Variants in ACTN4 observed in about 807,000 individuals in gnomAD.
ACTN4 encodes the protein alpha-actinin-4.
ACTN4 carries 18 observed loss-of-function variants against 114.2 expected under a neutral mutation model. That is an observed-to-expected ratio of 0.16 (90% CI 0.11 to 0.23). The LOEUF is 0.23. Ranked by LOEUF, ACTN4 falls within the 10% of genes least tolerant of loss-of-function variation. The pLI is 1.00. For synonymous variants in ACTN4, 515 were observed against 506.3 expected, an observed-to-expected ratio of 1.02 and a Z score of -0.23; for missense variants, 722 against 1,262.9, an observed-to-expected ratio of 0.57 and a Z score of 6.49.
intron 1 of ACTN4, among the ~76,000 whole-genome samples, chr19:38,683,368 AGGT>A (rs1967638776): frequency 6.6e-6 from 1 of 151,952 alleles, no homozygotes. Context: ...CAGAGAAAGC[AGGT>A]GGTGAGGGCT....
chr19:38,714,433 G>GC, intron 8 of ACTN4, 36 bp from the exon 9 acceptor site: 1 of 1,606,336 alleles, frequency 6.2e-7, no homozygotes, highest in Non-Finnish European at 8.5e-7. Flanking sequence ...AGGGTGGCCA[G>GC]CCCCCAGGCA....
chr19:38,726,430 C>T (rs1330453346), intron 17 of ACTN4, among the ~76,000 whole-genome samples: 6 of 152,232 alleles, frequency 3.9e-5, no homozygotes, highest in Admixed American at 1.3e-4. Context: ...CAGAGGGCAC[C>T]GTTTGCCCTG....
At chr19:38,698,338 G>T (rs1200059363) in intron 1 of ACTN4, among the ~76,000 whole-genome samples, 1 of 152,188 alleles carries the variant, frequency 6.6e-6, no homozygotes, top group African/African-American at 2.4e-5. Context: ...CACATGAGTG[G>T]TGTAAGCATG....
At chr19:38,681,129 G>GAAAAAAAAA (rs35906770) in intron 1 of ACTN4, among the ~76,000 whole-genome samples, 1 of 69,276 alleles carries the variant, frequency 1.4e-5, no homozygotes, top group African/African-American at 6.4e-5. Context: ...CCAATCTCTA[G>GAAAAAAAAA]AAAAAAAAAA....
rs1162390715 is a variant in ACTN4 at position 38,730,248 on chromosome 19, C to T, written c.*816C>T. On this transcript the variant is annotated 3_prime_UTR_variant, in exon 21 of 21. Coordinates refer to ENST00000252699, the MANE Select transcript of ACTN4 (RefSeq NM_004924.6). Reference sequence around the variant, plus strand: ...ATTTATTATATAAATATATATTCACCTAGCAACATATCTCTGCCGTCTCTC... The same window carrying T: ...ATTTATTATATAAATATATATTCACTTAGCAACATATCTCTGCCGTCTCTC... The T allele has an allele frequency of 6.3e-6, 1 of 158,404 alleles. No homozygotes were observed. Among genetic ancestry groups the T allele is most frequent in the Non-Finnish European group, 1.4e-5 (1 of 71,634 alleles). The allele number at this position is 158,404 out of a possible 1,614,324, so 9.8% of individuals were successfully genotyped here. A position where few individuals can be genotyped will look rare whatever the true frequency, so the allele number is the denominator to read the frequency against.
intron 6 of ACTN4, among the ~76,000 whole-genome samples, 154 bp downstream of exon 6, chr19:38,708,349 C>A (rs532162672): frequency 6.6e-6 from 1 of 152,114 alleles, no homozygotes; most frequent in African/African-American, 2.4e-5. Flanking sequence ...GCAGGCTCTC[C>A]GCAACCCCTG....
chr19:38,654,691 C>T lies in ACTN4; in HGVS notation c.162+6784C>T, dbSNP rs549699207. ...GTTTCCCTGGGATTATAAAAATCCCCGAGGCATTTGTCTTGGTGTTGTGCC... is the reference window on the plus strand; with the variant it reads ...GTTTCCCTGGGATTATAAAAATCCCTGAGGCATTTGTCTTGGTGTTGTGCC... On this transcript the variant is annotated intron_variant, in intron 1 of 20. Transcript: ENST00000252699. 2.4e-4 allele frequency among the ~76,000 whole-genome samples: 37 copies of T among 152,188 alleles called. No individual in the cohort carries two copies. The South Asian group carries it at 6.2e-3, about 26-fold the overall frequency.
chr19:38,730,444 TTTATTCTGATTGA>T lies in ACTN4; in HGVS notation c.*1015_*1027del, dbSNP rs1460348532. ...GCTCCCCCTACCTTTTTTTTTTGAGTTTATTCTGATTGATTTTTTTTCTTGGTTTCTGGATAAA... is the reference window on the plus strand; with the variant it reads ...GCTCCCCCTACCTTTTTTTTTTGAGTTTTTTTTTCTTGGTTTCTGGATAAA... On this transcript the variant is annotated 3_prime_UTR_variant, in exon 21 of 21. Transcript: ENST00000252699. 5.0e-6 allele frequency: 1 copy of T among 198,048 alleles called. No homozygotes were observed. The highest frequency in any genetic ancestry group is 2.4e-5 in the African/African-American group (1 of 42,248). 12.3% of individuals were successfully genotyped at this position (198,048 alleles called of 1,614,324 possible).
At chr19:38,668,290 ATAT>A (rs1967024736) in intron 1 of ACTN4, among the ~76,000 whole-genome samples, 1 of 152,196 alleles carries the variant, frequency 6.6e-6, no homozygotes, top group Non-Finnish European at 1.5e-5. Flanking sequence ...TGATTTGTTA[ATAT>A]TCTTTCTCTT....
chr19:38,726,875 A>T, intron 17 of ACTN4, 82 bp from the exon 18 acceptor site: 1 of 1,586,304 alleles, frequency 6.3e-7, no homozygotes. Flanking sequence ...GCGGGAGGAC[A>T]GTTCACAGTC....
At position 38,705,025 on chromosome 19, in the gene ACTN4, C is replaced by T. The variant is rs919024874; in HGVS notation, c.484+5C>T. On this transcript the variant is annotated splice_donor_5th_base_variant and intron_variant, in intron 4 of 20. Transcript: ENST00000252699. Reference sequence around the variant, plus strand: ...TCCAGGACATCTCCGTGGAAGGTGACAGCCACCTGTACTGCCCCCGCTTCC... The same window carrying T: ...TCCAGGACATCTCCGTGGAAGGTGATAGCCACCTGTACTGCCCCCGCTTCC... 2 of 1,613,620 alleles carry T rather than the reference C, an allele frequency of 1.2e-6. No homozygotes were observed. Among genetic ancestry groups the T allele is most frequent in the Non-Finnish European group, 1.7e-6 (2 of 1,179,614 alleles).
At chr19:38,693,007 C>A (rs1313610769) in intron 1 of ACTN4, among the ~76,000 whole-genome samples, 1 of 152,202 alleles carries the variant, frequency 6.6e-6, no homozygotes, top group Admixed American at 6.5e-5. Context: ...GGGGTTGGGG[C>A]TGGCTGTGGC....
At chr19:38,684,572 G>C (rs1967681737) in intron 1 of ACTN4, among the ~76,000 whole-genome samples, 1 of 152,184 alleles carries the variant, frequency 6.6e-6, no homozygotes. Context: ...ACCCCTTCAT[G>C]CCAGCCCCAG....
rs906099398 is a variant in ACTN4 at position 38,730,959 on chromosome 19, G to T, written c.*1527G>T. 9 of 1,550,486 alleles carry T rather than the reference G, an allele frequency of 5.8e-6. No homozygotes were observed. In the African/African-American group the frequency reaches 1.2e-4, roughly 21 times the overall value. ...TGAGCCACCCTGTCCCTCCCACCTG[G>T]CTCACCTGTCTGTGGGTCAGGCAGA... On this transcript the variant is annotated 3_prime_UTR_variant, in exon 21 of 21. Coordinates refer to ENST00000252699, the MANE Select transcript of ACTN4 (RefSeq NM_004924.6).
chr19:38,725,227 C>T (rs1389826224), intron 16 of ACTN4, among the ~76,000 whole-genome samples: 1 of 152,204 alleles, frequency 6.6e-6, no homozygotes, highest in African/African-American at 2.4e-5. Context: ...TTAAACCCAG[C>T]AAGCCTGAGA....
chr19:38,713,547 G>T (rs945943985), intron 8 of ACTN4, among the ~76,000 whole-genome samples: 6 of 152,170 alleles, frequency 3.9e-5, no homozygotes, highest in African/African-American at 1.4e-4. Context: ...ATGGCGCGGG[G>T]TGTGCACGTG....
At chr19:38,649,883 G>A (rs149343908) in intron 1 of ACTN4, among the ~76,000 whole-genome samples, 1 of 152,204 alleles carries the variant, frequency 6.6e-6, no homozygotes, top group East Asian at 1.9e-4. Flanking sequence ...TTCCTCATCC[G>A]TAGTAACTGA....
chr19:38,731,004 C>T lies in ACTN4; in HGVS notation c.*1572C>T. ...GGCAGATGACCCCCTCACCCCCATC[C>T]AGGTGCTGGCTGCAGTGGCCTGTGC... On this transcript the variant is annotated 3_prime_UTR_variant, in exon 21 of 21. Transcript: ENST00000252699. 1.3e-6 allele frequency: 2 copies of T among 1,552,424 alleles called. No individual in the cohort carries two copies. Among genetic ancestry groups the T allele is most frequent in the Non-Finnish European group, 1.7e-6 (2 of 1,148,040 alleles).
intron 8 of ACTN4, among the ~76,000 whole-genome samples, chr19:38,712,500 T>A (rs943947160): frequency 1.3e-5 from 2 of 152,114 alleles, no homozygotes; most frequent in African/African-American, 4.8e-5. Flanking sequence ...AGCTGCCATT[T>A]AGGCAGCTGC....
Sources: gnomAD v4.1 joint callset for allele counts (sites outside exome capture counted in the v4.1 genomes callset) on GRCh38, gnomAD v4.1.1 for gene constraint, MANE v1.5 for transcripts, NCBI Gene and HGNC (gene_info 2026-07-23, HGNC 2026-07-21) for gene names.